Variants in PDE5A observed in about 807,000 individuals in gnomAD.
PDE5A encodes the protein cGMP-specific 3',5'-cyclic phosphodiesterase.
In PDE5A, 67 loss-of-function variants were observed where a neutral mutation model predicts 110.2. That is an observed-to-expected ratio of 0.61 (90% CI 0.50 to 0.75). The LOEUF (loss-of-function observed/expected upper bound fraction) is 0.75. Among genes scored for constraint, PDE5A ranks in the 30% least tolerant of loss-of-function variants. The pLI is 0.00. For missense variants in PDE5A, 862 were observed against 1,045.1 expected (o/e 0.82, Z 2.42); for synonymous variants, 328 against 351.2 (o/e 0.93, Z 0.74).
At chr4:119,589,421 G>A (rs573750206) in intron 3 of PDE5A, among the ~76,000 whole-genome samples, 4 of 152,172 alleles carry the variant, frequency 2.6e-5, no homozygotes, top group African/African-American at 9.6e-5. Flanking sequence ...TTCACAAACA[G>A]GTCATCTGAG....
At chr4:119,565,954 T>TTAATTAATATTATTATAATTAATAA (rs1171486724) in intron 4 of PDE5A, among the ~76,000 whole-genome samples, 2 of 137,638 alleles carry the variant, frequency 1.5e-5, no homozygotes, top group African/African-American at 5.2e-5. Flanking sequence ...TTAATTATTA[T>TTAATTAATATTATTATAATTAATAA]TAATTAATAT....
chr4:119,499,898 A>AAAGGT (rs1725234487), intron 20 of PDE5A: 1 of 152,072 alleles, frequency 6.6e-6, no homozygotes, highest in Non-Finnish European at 1.5e-5. Context: ...TTCTGTAATA[A>AAAGGT]TATTAAAAAT....
At chr4:119,541,098 A>T (rs1159634669) in intron 10 of PDE5A, among the ~76,000 whole-genome samples, 3 of 152,030 alleles carry the variant, frequency 2.0e-5, no homozygotes, top group Non-Finnish European at 4.4e-5. Flanking sequence ...GTGGGAATGG[A>T]TGGAGTGATA....
In PDE5A at chr4:119,553,758, A is replaced by T. The variant is rs1484023575; in HGVS notation, c.1200-12T>A. ...TTGCATCATGTTCCCTGTGAAAATA[A>T]CAGATATGAGTTCCCTCTGTGCAGT... is the stretch of plus-strand genomic sequence containing the variant. On this transcript the variant is annotated splice_polypyrimidine_tract_variant and intron_variant, in intron 7 of 20. Coordinates refer to ENST00000354960, the MANE Select transcript of PDE5A (RefSeq NM_001083.4). 1 of 1,365,682 alleles carries T rather than the reference A, an allele frequency of 7.3e-7. No individual in the cohort carries two copies. Among genetic ancestry groups the T allele is most frequent in the African/African-American group, 1.4e-5 (1 of 70,212 alleles). 84.6% of individuals were successfully genotyped at this position (1,365,682 alleles called of 1,614,324 possible). A position where few individuals can be genotyped will look rare whatever the true frequency, so the allele number is the denominator to read the frequency against.
intron 3 of PDE5A, among the ~76,000 whole-genome samples, chr4:119,568,300 C>T (rs996609037): frequency 6.6e-6 from 1 of 152,158 alleles, no homozygotes; most frequent in Non-Finnish European, 1.5e-5. Context: ...GATGCTCTAA[C>T]CTCAGTGACT....
chr4:119,524,351 T>G (rs563891294), intron 12 of PDE5A, among the ~76,000 whole-genome samples: 1 of 152,264 alleles, frequency 6.6e-6, no homozygotes, highest in South Asian at 2.1e-4. Context: ...GTAATCCCAG[T>G]AACAGCCTTT....
At chr4:119,529,242 C>A (rs1252222262) in intron 11 of PDE5A, among the ~76,000 whole-genome samples, 1 of 152,024 alleles carries the variant, frequency 6.6e-6, no homozygotes, top group Non-Finnish European at 1.5e-5. Context: ...TCTTCTCTGC[C>A]TAGAATGCAT....
chr4:119,566,240 A>AG (rs1483234493), intron 4 of PDE5A, among the ~76,000 whole-genome samples: 1 of 152,140 alleles, frequency 6.6e-6, no homozygotes, highest in East Asian at 1.9e-4. Flanking sequence ...AATTATAACA[A>AG]GGGGAGCAAC....
At chr4:119,569,336 G>T (rs1728058913) in intron 3 of PDE5A, among the ~76,000 whole-genome samples, 1 of 151,930 alleles carries the variant, frequency 6.6e-6, no homozygotes, top group Non-Finnish European at 1.5e-5. Context: ...TAAGATAGAA[G>T]AAATAAATTA....
At chr4:119,580,069 G>A (rs1728534458) in intron 3 of PDE5A, among the ~76,000 whole-genome samples, 1 of 152,144 alleles carries the variant, frequency 6.6e-6, no homozygotes, top group African/African-American at 2.4e-5. Context: ...CTGGGGGTCA[G>A]TAGCTGTCCT....
intron 5 of PDE5A, among the ~76,000 whole-genome samples, chr4:119,564,016 T>TA (rs1365668887): frequency 6.8e-6 from 1 of 146,400 alleles, no homozygotes; most frequent in African/African-American, 2.5e-5. Flanking sequence ...AACATACAGA[T>TA]ACCAGCATGA....
Position 119,562,846 on chromosome 4 carries a change from T to G in PDE5A, c.1118A>C (p.Asp373Ala), listed in dbSNP as rs148453628. The G allele has an allele frequency of 6.4e-7, 1 of 1,574,762 alleles. No individual in the cohort carries two copies. The highest frequency in any genetic ancestry group is 1.4e-5 in the African/African-American group (1 of 72,268). Residue 373 changes from aspartate to alanine, a missense_variant, in exon 6 of 21, where the codon GAT (aspartate) becomes GCT (alanine). By Grantham distance (126) the Asp-to-Ala change is moderately radical. Transcript: ENST00000354960. ...QVQKCTIFIV[D>A]EDCSDSFSSV... Reference sequence around the variant, plus strand: ...CTCTGTACTCACGGAGCAATCTTCATCCACTATGAAAATGGTGCATTTCTG... The same window carrying G: ...CTCTGTACTCACGGAGCAATCTTCAGCCACTATGAAAATGGTGCATTTCTG...
At chr4:119,622,667 A>G (rs1474068964) in intron 1 of PDE5A, among the ~76,000 whole-genome samples, 1 of 152,020 alleles carries the variant, frequency 6.6e-6, no homozygotes, top group Non-Finnish European at 1.5e-5. Flanking sequence ...AGGTCAGGAG[A>G]TCGAGACCAT....
chr4:119,547,714 C>T (rs941391839), intron 9 of PDE5A, among the ~76,000 whole-genome samples: 1 of 151,868 alleles, frequency 6.6e-6, no homozygotes, highest in African/African-American at 2.4e-5. Flanking sequence ...TAGGAGAATG[C>T]GTTTCAGGTT....
chr4:119,619,779 G>T (rs894717324), intron 1 of PDE5A, among the ~76,000 whole-genome samples: 1 of 152,138 alleles, frequency 6.6e-6, no homozygotes, highest in African/African-American at 2.4e-5. Context: ...ATTTTCTAAT[G>T]AACACTATGA....
In PDE5A at chr4:119,565,417, A is replaced by C. The variant is rs1324806934; in HGVS notation, c.904-7T>G. ...CCAAATAAGCAGCAAAGTCCTAAAA[A>C]ACAGATAATAGACAAATAAAAACGG... On this transcript the variant is annotated splice_polypyrimidine_tract_variant and splice_region_variant and intron_variant, in intron 4 of 20. Transcript: ENST00000354960. The C allele has an allele frequency of 1.0e-5, 16 of 1,590,036 alleles. No homozygotes were observed. Among genetic ancestry groups the C allele is most frequent in the Admixed American group, 3.3e-5 (2 of 59,726 alleles).
intron 1 of PDE5A, among the ~76,000 whole-genome samples, chr4:119,626,447 G>A (rs1730349175): frequency 6.6e-6 from 1 of 152,188 alleles, no homozygotes; most frequent in African/African-American, 2.4e-5. Context: ...CATTTATGCT[G>A]ATTTATTAAA....
chr4:119,523,784 C>G (rs1427225147), intron 12 of PDE5A, among the ~76,000 whole-genome samples: 1 of 152,074 alleles, frequency 6.6e-6, no homozygotes. Flanking sequence ...AATCACATTC[C>G]TCTACTCTAG....
At chr4:119,581,660 C>T (rs1258501533) in intron 3 of PDE5A, among the ~76,000 whole-genome samples, 1 of 152,210 alleles carries the variant, frequency 6.6e-6, no homozygotes, top group Admixed American at 6.5e-5. Context: ...CAAAAAAAGA[C>T]ATGACCTCTT....
Sources: allele counts gnomAD v4.1 joint callset (sites outside exome capture counted in the v4.1 genomes callset), GRCh38; gene constraint gnomAD v4.1.1; transcripts MANE v1.5; gene names NCBI Gene and HGNC (gene_info 2026-07-23, HGNC 2026-07-21).